Variants in TRPM1 observed in about 807,000 individuals in gnomAD.
TRPM1 encodes the protein TRPM1-203 APA Isoform, Intron 10.
A neutral mutation model predicts 149.4 loss-of-function variants in TRPM1; 113 were observed. The ratio of observed to expected loss-of-function variants is 0.76; its 90% CI spans 0.65 to 0.88. TRPM1 has a LOEUF of 0.88. Among genes scored for constraint, TRPM1 ranks in the 40% least tolerant of loss-of-function variants. TRPM1 has a pLI of 0.00. For synonymous variants in TRPM1, 741 were observed against 759.5 expected (o/e 0.98, Z 0.40); for missense variants, 1,976 against 2,038.7 (o/e 0.97, Z 0.59).
intron 1 of TRPM1, among the ~76,000 whole-genome samples, chr15:31,088,869 AT>A (rs1465178013): frequency 2.6e-5 from 1 of 39,182 alleles, no homozygotes; most frequent in East Asian, 8.2e-3. Flanking sequence ...GGGTATTGAC[AT>A]TTGGCCCCCC....
intron 1 of TRPM1, among the ~76,000 whole-genome samples, chr15:31,159,889 C>T (rs1013567924): frequency 1.4e-4 from 22 of 152,140 alleles, no homozygotes; most frequent in African/African-American, 3.9e-4. Flanking sequence ...TCAGCGGCTC[C>T]GTTCCCAGCT....
chr15:31,120,332 G>T (rs1030666871), intron 1 of TRPM1, among the ~76,000 whole-genome samples: 2 of 152,020 alleles, frequency 1.3e-5, no homozygotes, highest in Non-Finnish European at 2.9e-5. Context: ...TAATAAAGGG[G>T]TCAGTTCTCC....
rs2033914766 is a variant in TRPM1 at position 31,050,434 on chromosome 15, G to A, written c.1412C>T (p.Pro471Leu). The change falls in exon 12 of 28, where the codon CCC (proline) becomes CTC (leucine). Residue 471 changes from proline to leucine, a missense_variant. Coordinates refer to ENST00000256552, the MANE Select transcript of TRPM1 (RefSeq NM_001252024.2). ...CCAGTTCAGCAGCTCTATCTTCCGG[G>A]GGTCAGTTTCTTCCTCCACTTCCTC... ...VKEEVEEETD[P>L]RKIELLNWVN... 1 of 1,613,838 alleles carries A rather than the reference G, an allele frequency of 6.2e-7. No individual in the cohort carries two copies. The highest frequency in any genetic ancestry group is 1.3e-5 in the African/African-American group (1 of 74,832).
At chr15:31,049,335 G>T in intron 13 of TRPM1, 40 bp downstream of exon 13, 11 of 1,613,890 alleles carry the variant, frequency 6.8e-6, no homozygotes, top group Non-Finnish European at 9.3e-6. Flanking sequence ...ACATTTAGGT[G>T]GCTGCCTCCC....
At chr15:31,160,038 A>T (rs2036425315) in intron 1 of TRPM1, among the ~76,000 whole-genome samples, 2 of 151,864 alleles carry the variant, frequency 1.3e-5, no homozygotes, top group South Asian at 4.2e-4. Context: ...TCTGTGCACA[A>T]TGGGCAGCCC....
chr15:31,049,633 C>G, intron 12 of TRPM1, 124 bp from the exon 13 acceptor site: 3 of 1,079,436 alleles, frequency 2.8e-6, no homozygotes, highest in Non-Finnish European at 4.2e-6. Context: ...CAGCATGGTA[C>G]TCTTTGCTCT....
chr15:31,066,048 A>G (rs1431945964), intron 7 of TRPM1, 28 bp downstream of exon 7: 3 of 1,610,456 alleles, frequency 1.9e-6, no homozygotes, highest in South Asian at 1.1e-5. Flanking sequence ...TCAGCCCAGG[A>G]GGACTGCGTG....
At chr15:31,035,523 G>T in intron 21 of TRPM1, 23 bp downstream of exon 21, 1 of 1,613,976 alleles carries the variant, frequency 6.2e-7, no homozygotes, top group Non-Finnish European at 8.5e-7. Context: ...TAGTGGGCTG[G>T]GGGAGGCCTT....
intron 1 of TRPM1, among the ~76,000 whole-genome samples, chr15:31,088,646 T>C (rs576466766): frequency 2.0e-5 from 3 of 152,200 alleles, no homozygotes; most frequent in Non-Finnish European, 4.4e-5. Context: ...ACTGCGGACA[T>C]GCCACACTCA....
At chr15:31,145,638 TG>T (rs2141056158) in intron 1 of TRPM1, among the ~76,000 whole-genome samples, 1 of 152,306 alleles carries the variant, frequency 6.6e-6, no homozygotes, top group Non-Finnish European at 1.5e-5. Context: ...ATGTTAGAAT[TG>T]CTATGTAACA....
At chr15:31,036,397 C>T (rs889949351) in intron 20 of TRPM1, among the ~76,000 whole-genome samples, 1 of 152,008 alleles carries the variant, frequency 6.6e-6, no homozygotes, top group Non-Finnish European at 1.5e-5. Context: ...GGGAGGGGTG[C>T]TAAAAACTGA....
Position 31,047,230 on chromosome 15 carries a change from G to A in TRPM1, c.1645C>T (p.His549Tyr). The stretch of plus-strand genomic sequence containing the variant: ...AGCCCGATGTCTATGAGGCTGATGT[G>A]GTAATCAGGCGGAAGGTTGCTCTGT... ...VKKSNLPPDY[H>Y]ISLIDIGLVL... is the part of the protein sequence containing the mutation. The change falls in exon 15 of 28, where the codon CAC (histidine) becomes TAC (tyrosine). Residue 549 changes from histidine (H) to tyrosine (Y), a missense_variant. His to Tyr is a moderately conservative substitution (Grantham distance 83). This residue lies in a region of TRPM1 where 1,332 missense variants were observed against 1,347.1 expected (regional missense o/e 0.99). Coordinates refer to ENST00000256552, the MANE Select transcript of TRPM1 (RefSeq NM_001252024.2). 6.2e-7 allele frequency: 1 copy of A among 1,614,218 alleles called. No individual in the cohort carries two copies. Among genetic ancestry groups the A allele is most frequent in the Non-Finnish European group, 8.5e-7 (1 of 1,180,044 alleles).
At chr15:31,090,337 C>T (rs2141000177) in intron 1 of TRPM1, among the ~76,000 whole-genome samples, 1 of 152,220 alleles carries the variant, frequency 6.6e-6, no homozygotes, top group East Asian at 1.9e-4. Context: ...TGGTATTTTC[C>T]ATATGAAACT....
At chr15:31,072,001 ATATATATATATATATATAGAG>A (rs2034562313) in intron 3 of TRPM1, among the ~76,000 whole-genome samples, 1 of 58,204 alleles carries the variant, frequency 1.7e-5, no homozygotes, top group African/African-American at 5.8e-5. Context: ...ATATATATAT[ATATATATATATATATATAGAG>A]AGAGAGAGAG....
Position 31,030,913 on chromosome 15 carries a change from C to T in TRPM1, c.3127+70G>A, listed in dbSNP as rs189083332. ...TATTTCCAAATTAATACATGTTCTT[C>T]CATTAATTTGGAACTGATCATCTGC... On this transcript the variant is annotated intron_variant, in intron 23 of 27. Transcript: ENST00000256552. 1,084 of 1,541,166 alleles carry T rather than the reference C, an allele frequency of 7.0e-4. 1 individual carries two copies. The highest frequency in any genetic ancestry group is 8.5e-4 in the Non-Finnish European group (950 of 1,114,002).
chr15:31,150,517 A>G (rs1309321982), intron 1 of TRPM1, among the ~76,000 whole-genome samples: 1 of 147,472 alleles, frequency 6.8e-6, no homozygotes, highest in South Asian at 2.1e-4. Context: ...GCTCACTGCA[A>G]TCTCTGCCTC....
intron 16 of TRPM1, among the ~76,000 whole-genome samples, chr15:31,044,777 A>C (rs1260138055): frequency 5.5e-5 from 6 of 109,836 alleles, no homozygotes; most frequent in Admixed American, 9.2e-5. Flanking sequence ...TGAGACTCCT[A>C]CTCAAAAAAA....
chr15:31,104,586 CTTTT>C (rs928062797), upstream of TRPM1, among the ~76,000 whole-genome samples: 89 of 87,480 alleles, frequency 1.0e-3, no homozygotes, highest in South Asian at 5.0e-3. Context: ...GGTGATCTTC[CTTTT>C]TTTTTTTTTT....
chr15:31,035,550 CGT>C lies in TRPM1; in HGVS notation c.2694_2695del (p.Ile898MetfsTer151). ...GGAGGCCTTTGGAGTAGCCACCTCT[CGT>C]ATCTTCTCTAACGCCAGGCTCACGA... On this transcript the variant is annotated frameshift_variant, in exon 21 of 28. Coordinates refer to ENST00000256552, the MANE Select transcript of TRPM1 (RefSeq NM_001252024.2). LOFTEE classifies it high-confidence loss of function. 6.2e-7 allele frequency: 1 copy of C among 1,614,114 alleles called. No individual in the cohort carries two copies. The highest frequency in any genetic ancestry group is 8.5e-7 in the Non-Finnish European group (1 of 1,180,002).
Sources: allele counts gnomAD v4.1 joint callset (sites outside exome capture counted in the v4.1 genomes callset), GRCh38; gene constraint gnomAD v4.1.1; regional missense constraint gnomAD v4.1.1; transcripts MANE v1.5; gene names NCBI Gene and HGNC (gene_info 2026-07-23, HGNC 2026-07-21).